The following CSGALNACT1 variants were observed in gnomAD, a reference collection of about 807,000 sequenced individuals.
CSGALNACT1 encodes the protein chondroitin sulfate N-acetylgalactosaminyltransferase 1.
Under a neutral mutation model 51.0 loss-of-function variants are expected in CSGALNACT1, and 52 were observed. The observed-to-expected ratio is 1.02, with a 90% CI of 0.82 to 1.29. CSGALNACT1 has a LOEUF of 1.29. Among genes scored for constraint, CSGALNACT1 ranks in the 50% most tolerant of loss-of-function variants. The pLI is 0.00. For synonymous variants in CSGALNACT1, 341 were observed against 254.4 expected, an observed-to-expected ratio of 1.34 and a Z score of -3.24; for missense variants, 935 against 679.2, an observed-to-expected ratio of 1.38 and a Z score of -4.19.
chr8:19,506,272 T>C (rs573717181), intron 3 of CSGALNACT1, 142 bp from the exon 3 acceptor site: 113 of 362,650 alleles, frequency 3.1e-4, no homozygotes, highest in African/African-American at 2.0e-3. Context: ...GTTAAATGTG[T>C]ATAAATCAGA....
intron 1 of CSGALNACT1, among the ~76,000 whole-genome samples, chr8:19,693,439 C>A (rs1265972419): frequency 1.3e-5 from 2 of 152,044 alleles, no homozygotes; most frequent in Non-Finnish European, 2.9e-5. Flanking sequence ...GTTTATCACC[C>A]CTATTTGGCT....
At chr8:19,478,513 G>C (rs1032552731) in intron 4 of CSGALNACT1, among the ~76,000 whole-genome samples, 1 of 151,050 alleles carries the variant, frequency 6.6e-6, no homozygotes, top group African/African-American at 2.4e-5. Flanking sequence ...CTCCCCAAGA[G>C]ACTAACTAAC....
intron 8 of CSGALNACT1, among the ~76,000 whole-genome samples, chr8:19,408,978 A>ACACAC (rs57424251): frequency 4.6e-5 from 7 of 150,876 alleles, no homozygotes; most frequent in Non-Finnish European, 7.4e-5. Flanking sequence ...ACACACACAC[A>ACACAC]ATCAAAAACA....
intron 1 of CSGALNACT1, among the ~76,000 whole-genome samples, chr8:19,681,578 A>G (rs561875580): frequency 6.6e-6 from 1 of 152,320 alleles, no homozygotes; most frequent in South Asian, 2.1e-4. Context: ...CATACTGCCC[A>G]AATCTAAAAA....
intron 3 of CSGALNACT1, among the ~76,000 whole-genome samples, chr8:19,554,002 T>C (rs1356447263): frequency 6.6e-6 from 1 of 151,702 alleles, no homozygotes; most frequent in African/African-American, 2.4e-5. Flanking sequence ...AAGATAACCA[T>C]CTAATTTCCA....
intron 3 of CSGALNACT1, among the ~76,000 whole-genome samples, chr8:19,554,216 A>G (rs183625302): frequency 7.2e-5 from 11 of 152,318 alleles, no homozygotes; most frequent in East Asian, 3.9e-4. Context: ...CTGCAAGGGA[A>G]GGAGAGTGGA....
chr8:19,627,015 T>A (rs76502351), intron 1 of CSGALNACT1, among the ~76,000 whole-genome samples: 3,980 of 152,288 alleles, frequency 0.026, 193 homozygotes, highest in African/African-American at 0.091. Flanking sequence ...AAAGTTAAAC[T>A]TACAGCTAGC....
At chr8:19,412,135 C>T (rs2055903648) in intron 8 of CSGALNACT1, among the ~76,000 whole-genome samples, 1 of 152,172 alleles carries the variant, frequency 6.6e-6, no homozygotes. Flanking sequence ...ACCCAGCCTG[C>T]TATCCTCATT....
chr8:19,436,769 G>A (rs998062247), intron 6 of CSGALNACT1, among the ~76,000 whole-genome samples: 1 of 151,972 alleles, frequency 6.6e-6, no homozygotes, highest in East Asian at 1.9e-4. Flanking sequence ...AAATTAGCCG[G>A]GCATGGTGGC....
At position 19,629,498 on chromosome 8, in the gene CSGALNACT1, G is replaced by T. The variant is rs184846352; in HGVS notation, c.-543-27633C>A. 2.2e-3 allele frequency among the ~76,000 whole-genome samples: 342 copies of T among 152,316 alleles called. 2 individuals carry two copies. Among genetic ancestry groups the T allele is most frequent in the Middle Eastern group, 0.01 (3 of 294 alleles). ...CAGAGAGGCTCAACTCCTGCCTAAA[G>T]GCACTCAGCTGCCTGGTATTGGAGA... On this transcript the variant is annotated intron_variant, in intron 1 of 9. Coordinates refer to the CSGALNACT1 transcript ENST00000332246.
chr8:19,481,499 C>A (rs1231515691), intron 4 of CSGALNACT1, among the ~76,000 whole-genome samples: 2 of 152,070 alleles, frequency 1.3e-5, no homozygotes, highest in African/African-American at 4.8e-5. Context: ...TAGCTAAGTA[C>A]CCTGCCCAAG....
intron 4 of CSGALNACT1, among the ~76,000 whole-genome samples, chr8:19,465,743 G>C (rs2066519488): frequency 1.3e-5 from 2 of 152,126 alleles, no homozygotes; most frequent in South Asian, 2.1e-4. Context: ...AAAAGATCTT[G>C]GGCATCCCCC....
intron 8 of CSGALNACT1, among the ~76,000 whole-genome samples, chr8:19,417,859 A>C (rs2057187355): frequency 2.6e-5 from 4 of 152,154 alleles, no homozygotes; most frequent in Admixed American, 2.0e-4. Flanking sequence ...ATACCGGGAA[A>C]TTCCATCCAT....
At chr8:19,570,708 C>T (rs1177975966) in intron 3 of CSGALNACT1, among the ~76,000 whole-genome samples, 4 of 152,208 alleles carry the variant, frequency 2.6e-5, no homozygotes, top group African/African-American at 4.8e-5. Flanking sequence ...GAGACCAGCT[C>T]GGCCAACATG....
intron 4 of CSGALNACT1, among the ~76,000 whole-genome samples, chr8:19,496,540 G>A (rs992853471): frequency 1.3e-5 from 2 of 152,168 alleles, no homozygotes; most frequent in African/African-American, 4.8e-5. Context: ...TCAGACTTCT[G>A]TTTCTGCTCC....
intron 4 of CSGALNACT1, among the ~76,000 whole-genome samples, chr8:19,503,779 A>AGT (rs199784195): frequency 2.7e-5 from 4 of 148,590 alleles, no homozygotes; most frequent in African/African-American, 1.0e-4. Context: ...CATATGAATG[A>AGT]GTTTTTTTTT....
intron 1 of CSGALNACT1, among the ~76,000 whole-genome samples, chr8:19,666,929 CAGAGAG>C (rs1201286393): frequency 4.7e-5 from 4 of 85,978 alleles, no homozygotes; most frequent in African/African-American, 1.9e-4. Flanking sequence ...AAGGGAGAGA[CAGAGAG>C]AGAGAGAAAA....
intron 4 of CSGALNACT1, among the ~76,000 whole-genome samples, chr8:19,503,785 T>G (rs888748334): frequency 1.8e-4 from 27 of 152,166 alleles, no homozygotes; most frequent in Non-Finnish European, 2.9e-4. Flanking sequence ...AATGAGTTTT[T>G]TTTTTTTTTT....
At chr8:19,665,864 C>T (rs764509894) in intron 1 of CSGALNACT1, among the ~76,000 whole-genome samples, 1 of 152,204 alleles carries the variant, frequency 6.6e-6, no homozygotes, top group Non-Finnish European at 1.5e-5. Context: ...TTACAGTTAA[C>T]ATTTCAACTT....
Sources: allele counts gnomAD v4.1 joint callset (sites outside exome capture counted in the v4.1 genomes callset), GRCh38; gene constraint gnomAD v4.1.1; transcripts MANE v1.5; gene names NCBI Gene and HGNC (gene_info 2026-07-23, HGNC 2026-07-21).